The following RSRC1 variants were observed in gnomAD, a reference collection of about 807,000 sequenced individuals.
The protein encoded by RSRC1 is serine/Arginine-related protein 53.
Under a neutral mutation model 49.1 loss-of-function variants are expected in RSRC1, and 39 were observed. The observed-to-expected ratio is 0.79, with a 90% CI of 0.61 to 1.04. The LOEUF (loss-of-function observed/expected upper bound fraction) is 1.04, where lower values mean the gene tolerates loss of function less well. Among genes scored for constraint, RSRC1 ranks in the 50% least tolerant of loss-of-function variants. RSRC1 has a pLI of 0.00. For missense variants in RSRC1, 388 were observed against 402.4 expected (o/e 0.96, Z 0.31); for synonymous variants, 143 against 130.8 (o/e 1.09, Z -0.63).
At chr3:158,120,925 A>AGG (rs5853815) in intron 1 of RSRC1, among the ~76,000 whole-genome samples, 107,119 of 150,594 alleles carry the variant, frequency 0.71, 38,810 homozygotes, top group African/African-American at 0.83. Context: ...GAGAATCTAA[A>AGG]TTAAAGTAAG....
intron 3 of RSRC1, among the ~76,000 whole-genome samples, chr3:158,162,276 C>T (rs1417901365): frequency 6.6e-6 from 1 of 152,126 alleles, no homozygotes; most frequent in Non-Finnish European, 1.5e-5. Flanking sequence ...TAAATGACAT[C>T]AACTGACGCT....
chr3:158,506,729 T>A (rs1453542996), intron 7 of RSRC1, among the ~76,000 whole-genome samples: 1 of 151,710 alleles, frequency 6.6e-6, no homozygotes, highest in Non-Finnish European at 1.5e-5. Flanking sequence ...TTGGTGGGAA[T>A]GTAAAGTATA....
intron 3 of RSRC1, among the ~76,000 whole-genome samples, chr3:158,179,595 A>G: frequency 6.6e-6 from 1 of 152,152 alleles, no homozygotes; most frequent in East Asian, 1.9e-4. Context: ...TCTTATTGCT[A>G]AGTAGTATCT....
intron 7 of RSRC1, among the ~76,000 whole-genome samples, chr3:158,523,438 C>T (rs1006164805): frequency 2.0e-5 from 3 of 151,784 alleles, no homozygotes; most frequent in Admixed American, 6.6e-5. Context: ...TAGGGATAGA[C>T]ATATGAGGGA....
At chr3:158,122,474 C>T (rs1051069357) in intron 2 of RSRC1, among the ~76,000 whole-genome samples, 176 bp downstream of exon 2, 1 of 151,984 alleles carries the variant, frequency 6.6e-6, no homozygotes, top group African/African-American at 2.4e-5. Flanking sequence ...GTCTAGTGTC[C>T]TCAACCTTTG....
intron 7 of RSRC1, among the ~76,000 whole-genome samples, chr3:158,532,417 G>A (rs1712453535): frequency 1.3e-5 from 2 of 151,750 alleles, no homozygotes; most frequent in Admixed American, 1.3e-4. Flanking sequence ...AGATTGATAT[G>A]GACCTTGTCA....
intron 6 of RSRC1, among the ~76,000 whole-genome samples, chr3:158,429,133 C>T (rs984291765): frequency 2.0e-5 from 3 of 151,862 alleles, no homozygotes; most frequent in African/African-American, 7.2e-5. Flanking sequence ...AGAGCTGGTA[C>T]TTTCAGCCCT....
At chr3:158,350,180 T>A (rs28479736) in intron 5 of RSRC1, among the ~76,000 whole-genome samples, 7 of 4,222 alleles carry the variant, frequency 1.7e-3, no homozygotes, top group Admixed American at 8.3e-3. Context: ...ATATATATAA[T>A]TTTTTTTTTT....
At chr3:158,241,472 A>T (rs1723572155) in intron 4 of RSRC1, among the ~76,000 whole-genome samples, 1 of 151,344 alleles carries the variant, frequency 6.6e-6, no homozygotes, top group African/African-American at 2.4e-5. Flanking sequence ...ATATATATAT[A>T]TTATAAAAAT....
intron 3 of RSRC1, among the ~76,000 whole-genome samples, chr3:158,128,552 C>A (rs1221343939): frequency 1.3e-5 from 2 of 152,230 alleles, no homozygotes; most frequent in Admixed American, 1.3e-4. Flanking sequence ...TTTAGACTAA[C>A]AGAAAAGCTG....
intron 3 of RSRC1, among the ~76,000 whole-genome samples, chr3:158,140,856 A>G (rs892271251): frequency 3.3e-5 from 5 of 152,218 alleles, no homozygotes; most frequent in Admixed American, 3.3e-4. Flanking sequence ...GTAAATGTCT[A>G]GTAGTGTTAT....
chr3:158,279,371 T>C (rs1726001520), intron 4 of RSRC1, among the ~76,000 whole-genome samples: 2 of 152,228 alleles, frequency 1.3e-5, no homozygotes, highest in African/African-American at 4.8e-5. Context: ...TTCAGTAATT[T>C]TCATGTGTCA....
At chr3:158,316,680 G>T (rs1007473381) in intron 5 of RSRC1, among the ~76,000 whole-genome samples, 7 of 151,942 alleles carry the variant, frequency 4.6e-5, no homozygotes, top group African/African-American at 1.7e-4. Context: ...TCCTGACCTT[G>T]TGATCCGCCC....
At chr3:158,353,779 T>C (rs1426412274) in intron 5 of RSRC1, among the ~76,000 whole-genome samples, 1 of 150,982 alleles carries the variant, frequency 6.6e-6, no homozygotes, top group Non-Finnish European at 1.5e-5. Context: ...GTGATTATTT[T>C]CATATATAAA....
chr3:158,453,065 A>G (rs1179258184), intron 6 of RSRC1, among the ~76,000 whole-genome samples: 2 of 152,040 alleles, frequency 1.3e-5, no homozygotes, highest in East Asian at 1.9e-4. Context: ...TTCCATATTA[A>G]TATATATCAG....
chr3:158,344,957 G>A (rs1420754219), intron 5 of RSRC1, among the ~76,000 whole-genome samples: 3 of 152,096 alleles, frequency 2.0e-5, no homozygotes, highest in South Asian at 2.1e-4. Context: ...GGTGGCTTAC[G>A]CCTGTAATCC....
chr3:158,199,888 T>C (rs943682762), intron 3 of RSRC1, among the ~76,000 whole-genome samples: 11 of 152,204 alleles, frequency 7.2e-5, no homozygotes, highest in African/African-American at 2.7e-4. Flanking sequence ...CTGCATGATT[T>C]CTGCCTATGA....
chr3:158,285,657 G>T (rs1443128318), intron 4 of RSRC1, among the ~76,000 whole-genome samples: 1 of 152,018 alleles, frequency 6.6e-6, no homozygotes, highest in African/African-American at 2.4e-5. Context: ...TGAAGCAATT[G>T]TGAATGGGAG....
chr3:158,345,171 G>A (rs1730477600), intron 5 of RSRC1, among the ~76,000 whole-genome samples: 1 of 151,792 alleles, frequency 6.6e-6, no homozygotes, highest in Non-Finnish European at 1.5e-5. Flanking sequence ...AAGTTGCAGT[G>A]AGCCGAGATT....
Sources: allele counts gnomAD v4.1 joint callset (sites outside exome capture counted in the v4.1 genomes callset), GRCh38; gene constraint gnomAD v4.1.1; transcripts MANE v1.5; gene names NCBI Gene and HGNC (gene_info 2026-07-23, HGNC 2026-07-21).